FGF12: variants seen among roughly 807,000 people sequenced by gnomAD.
FGF12 encodes fibroblast growth factor 12B.
A neutral mutation model predicts 23.6 loss-of-function variants in FGF12; 14 were observed. The ratio of observed to expected loss-of-function variants is 0.59; its 90% CI spans 0.39 to 0.93. FGF12 has a LOEUF of 0.93. Among genes scored for constraint, FGF12 ranks in the 40% least tolerant of loss-of-function variants. FGF12 has a pLI of 0.00. For missense variants in FGF12, 175 were observed against 217.8 expected, an observed-to-expected ratio of 0.80 and a Z score of 1.24; for synonymous variants, 62 against 77.3, an observed-to-expected ratio of 0.80 and a Z score of 1.04.
chr3:192,466,036 G>T (rs945552738), intron 2 of FGF12, among the ~76,000 whole-genome samples: 9 of 152,144 alleles, frequency 5.9e-5, no homozygotes, highest in Non-Finnish European at 1.3e-4. Context: ...GATCACCACG[G>T]AGCATACGTA....
At chr3:192,254,205 C>G (rs896107749) in intron 4 of FGF12, among the ~76,000 whole-genome samples, 2 of 151,936 alleles carry the variant, frequency 1.3e-5, no homozygotes, top group African/African-American at 4.8e-5. Context: ...CAGGTAACTA[C>G]CATTCTACTC....
At chr3:192,708,277 G>C (rs1421061264) in intron 2 of FGF12, among the ~76,000 whole-genome samples, 1 of 152,056 alleles carries the variant, frequency 6.6e-6, no homozygotes, top group African/African-American at 2.4e-5. Context: ...CCGTTATTTA[G>C]AGGGCTCTAA....
At chr3:192,167,730 G>GATATATATAT (rs1715248649) in intron 5 of FGF12, among the ~76,000 whole-genome samples, 2 of 33,686 alleles carry the variant, frequency 5.9e-5, no homozygotes, top group African/African-American at 3.4e-4. Flanking sequence ...GTAGGTTATA[G>GATATATATAT]GTATATATAT....
intron 4 of FGF12, among the ~76,000 whole-genome samples, chr3:192,253,099 T>C (rs1712147116): frequency 6.6e-6 from 1 of 152,176 alleles, no homozygotes; most frequent in Non-Finnish European, 1.5e-5. Flanking sequence ...TCTCTACTTT[T>C]CACTGAAGGA....
intron 2 of FGF12, among the ~76,000 whole-genome samples, chr3:192,512,109 A>G (rs1488043436): frequency 6.6e-6 from 1 of 152,172 alleles, no homozygotes; most frequent in Non-Finnish European, 1.5e-5. Flanking sequence ...CCTCAACTGT[A>G]AAATAATGGA....
chr3:192,510,927 A>G (rs1724450500), intron 2 of FGF12, among the ~76,000 whole-genome samples: 1 of 152,214 alleles, frequency 6.6e-6, no homozygotes, highest in Non-Finnish European at 1.5e-5. Flanking sequence ...ATGCTAAACT[A>G]TAGAGATAGT....
At chr3:192,609,971 T>C (rs907228251) in intron 2 of FGF12, among the ~76,000 whole-genome samples, 71 of 152,098 alleles carry the variant, frequency 4.7e-4, no homozygotes, top group African/African-American at 1.5e-3. Context: ...CTGTGCCTGC[T>C]GTTTACAGTT....
intron 4 of FGF12, among the ~76,000 whole-genome samples, chr3:192,326,213 A>G (rs1716813052): frequency 6.6e-6 from 1 of 152,180 alleles, no homozygotes. Context: ...CTAACAAAAG[A>G]AAGGAAATAC....
chr3:192,366,973 C>T (rs1262468235), intron 2 of FGF12, among the ~76,000 whole-genome samples: 2 of 152,056 alleles, frequency 1.3e-5, no homozygotes. Flanking sequence ...CAGAACAGGT[C>T]GCCTAAGGAA....
intron 3 of FGF12, among the ~76,000 whole-genome samples, chr3:192,359,569 G>A (rs1187671303): frequency 6.6e-6 from 1 of 152,070 alleles, no homozygotes; most frequent in Non-Finnish European, 1.5e-5. Flanking sequence ...ACATGAATTT[G>A]CCCTCAGGTA....
At chr3:192,564,405 G>T (rs896287611) in intron 2 of FGF12, among the ~76,000 whole-genome samples, 1 of 152,140 alleles carries the variant, frequency 6.6e-6, no homozygotes, top group African/African-American at 2.4e-5. Context: ...AGTTCCAGAT[G>T]CTCCACTTAC....
chr3:192,253,408 T>C (rs1427631859), intron 4 of FGF12, among the ~76,000 whole-genome samples: 1 of 149,676 alleles, frequency 6.7e-6, no homozygotes, highest in Non-Finnish European at 1.5e-5. Flanking sequence ...ATAAAAAATA[T>C]GGCAACAAGG....
At chr3:192,180,277 G>T (rs1484609308) in intron 4 of FGF12, among the ~76,000 whole-genome samples, 1 of 152,164 alleles carries the variant, frequency 6.6e-6, no homozygotes, top group Non-Finnish European at 1.5e-5. Flanking sequence ...AGTGAGGTGG[G>T]AGAAAGCCAG....
chr3:192,330,333 G>A (rs1310098041), intron 4 of FGF12, among the ~76,000 whole-genome samples: 2 of 152,070 alleles, frequency 1.3e-5, no homozygotes, highest in African/African-American at 4.8e-5. Flanking sequence ...TCAAAATGTA[G>A]TGGAAAACTA....
At chr3:192,251,573 A>T (rs771345779) in intron 4 of FGF12, among the ~76,000 whole-genome samples, 16 of 152,180 alleles carry the variant, frequency 1.1e-4, no homozygotes, top group Admixed American at 2.0e-4. Context: ...ATAGCTCCAA[A>T]CTGAAAATAA....
intron 2 of FGF12, among the ~76,000 whole-genome samples, chr3:192,519,017 G>A (rs1724750200): frequency 6.6e-6 from 1 of 151,922 alleles, no homozygotes; most frequent in African/African-American, 2.4e-5. Context: ...AAGACTGAGA[G>A]TTCATACATA....
intron 2 of FGF12, chr3:192,515,184 C>G (rs1217536503): frequency 6.6e-6 from 1 of 152,264 alleles, no homozygotes; most frequent in African/African-American, 2.4e-5. Context: ...GGTGTCCCAG[C>G]CGTCCCGGGC....
rs1576961210 is a variant in FGF12, at chr3:192,409,999, C to T, written c.14-49461G>A. Among the ~76,000 whole-genome samples the T allele has an allele frequency of 1.3e-5, 2 of 152,214 alleles. No homozygotes were observed. Among genetic ancestry groups the T allele is most frequent in the East Asian group, 1.9e-4 (1 of 5,146 alleles). On this transcript the variant is annotated intron_variant, in intron 2 of 5. Transcript: ENST00000445105. This position sits in a 1 kb window ranked among gnomAD's most constrained non-coding sequence, Gnocchi z 4.8. ...GGCTCTGGGCGCGCGGAGCCGCCGC[C>T]GCCCCTCCGGCTGGCTCAGCTGGAG...
At chr3:192,250,012 G>T (rs1711898942) in intron 4 of FGF12, among the ~76,000 whole-genome samples, 1 of 152,108 alleles carries the variant, frequency 6.6e-6, no homozygotes. Flanking sequence ...CCATTGCTCT[G>T]ATATTTTAAA....
Sources: gnomAD v4.1 joint callset for allele counts (sites outside exome capture counted in the v4.1 genomes callset) on GRCh38, gnomAD v4.1.1 for gene constraint, Gnocchi (gnomAD v3.1) non-coding constraint, MANE v1.5 for transcripts, NCBI Gene and HGNC (gene_info 2026-07-23, HGNC 2026-07-21) for gene names.